KCNQ5: variants seen among roughly 807,000 people sequenced by gnomAD.
KCNQ5 encodes the protein potassium voltage-gated channel subfamily KQT member 5.
In KCNQ5, 30 loss-of-function variants were observed where a neutral mutation model predicts 98.2. That is an observed-to-expected ratio of 0.31 (90% CI 0.23 to 0.41). KCNQ5 has a LOEUF of 0.41. Ranked by LOEUF, KCNQ5 falls within the 10% of genes least tolerant of loss-of-function variation. The probability of loss-of-function intolerance (pLI) is 1.00; values close to 1 mark genes in which losing one functional copy is unlikely to be tolerated. For missense variants in KCNQ5, 835 were observed against 1,182.5 expected (o/e 0.71, Z 4.31); for synonymous variants, 458 against 449.4 (o/e 1.02, Z -0.24).
chr6:72,676,291 A>G (rs999749645), intron 1 of KCNQ5, among the ~76,000 whole-genome samples: 1 of 152,048 alleles, frequency 6.6e-6, no homozygotes, highest in Non-Finnish European at 1.5e-5. Context: ...AGAATGGAAA[A>G]TTTTGTCTTT....
chr6:73,035,135 G>A (rs1056836102), intron 2 of KCNQ5, among the ~76,000 whole-genome samples: 5 of 152,206 alleles, frequency 3.3e-5, no homozygotes, highest in Admixed American at 6.5e-5. Flanking sequence ...GTGAACCACC[G>A]CGCCCGGCCA....
At chr6:73,012,712 G>C (rs200712795) in intron 2 of KCNQ5, among the ~76,000 whole-genome samples, 10 of 151,768 alleles carry the variant, frequency 6.6e-5, no homozygotes, top group Non-Finnish European at 1.2e-4. Context: ...GCTAATACAC[G>C]CTGGGCTTAA....
At chr6:73,079,393 TTTTA>T (rs1402514743) in intron 5 of KCNQ5, among the ~76,000 whole-genome samples, 6 of 152,200 alleles carry the variant, frequency 3.9e-5, no homozygotes, top group Admixed American at 2.6e-4. Flanking sequence ...ATGATAGGCT[TTTTA>T]TTTGTTTGTT....
chr6:72,627,998 C>T, intron 1 of KCNQ5, among the ~76,000 whole-genome samples: 1 of 152,158 alleles, frequency 6.6e-6, no homozygotes, highest in Non-Finnish European at 1.5e-5. Context: ...GGTGCTTCCC[C>T]CATTGTACTG....
At chr6:72,726,959 C>G (rs1053289959) in intron 1 of KCNQ5, among the ~76,000 whole-genome samples, 25 of 152,262 alleles carry the variant, frequency 1.6e-4, no homozygotes, top group African/African-American at 6.0e-4. Flanking sequence ...TTGAGGCTTA[C>G]TTATTAAAGA....
chr6:73,161,778 G>A (rs1312863864), intron 10 of KCNQ5, among the ~76,000 whole-genome samples: 1 of 152,132 alleles, frequency 6.6e-6, no homozygotes, highest in Admixed American at 6.5e-5. Context: ...CACAGCAGAA[G>A]TTTCCAAAAT....
intron 11 of KCNQ5, among the ~76,000 whole-genome samples, chr6:73,184,074 C>G (rs1778490037): frequency 6.6e-6 from 1 of 152,114 alleles, no homozygotes. Context: ...CTCTCTTTTC[C>G]CTGGACAGTT....
chr6:72,803,103 G>A (rs754709294), intron 1 of KCNQ5, among the ~76,000 whole-genome samples: 2 of 152,070 alleles, frequency 1.3e-5, no homozygotes, highest in African/African-American at 2.4e-5. Context: ...AGGCAACCAT[G>A]GAGTTCAGTC....
rs1435407456 is a variant in KCNQ5 at position 73,111,398 on chromosome 6, A to G, written c.1120A>G (p.Ile374Val). ...AAGAAGGAACCCAGCTGCCAACCTC[A>G]TTCAGGTAAATGTCAATGTAATAGG... ...EKRRNPAANL[I>V]QCVWRSYAAD... The change falls in exon 7 of 14, where the codon ATT becomes GTT. Residue 374 changes from isoleucine to valine, a missense_variant. Ile to Val is a conservative substitution (Grantham distance 29). Coordinates refer to ENST00000370398, the MANE Select transcript of KCNQ5 (RefSeq NM_019842.4). 1 of 1,596,044 alleles carries G rather than the reference A, an allele frequency of 6.3e-7. No homozygotes were observed. The highest frequency in any genetic ancestry group is 8.6e-7 in the Non-Finnish European group (1 of 1,167,404).
chr6:73,146,165 T>C (rs1162180722), intron 10 of KCNQ5, among the ~76,000 whole-genome samples: 3 of 152,240 alleles, frequency 2.0e-5, no homozygotes, highest in Admixed American at 1.3e-4. Flanking sequence ...AGGGTCATTA[T>C]AAAACATGGC....
intron 1 of KCNQ5, among the ~76,000 whole-genome samples, chr6:72,670,508 C>T (rs1372728997): frequency 6.6e-6 from 1 of 152,090 alleles, no homozygotes; most frequent in Non-Finnish European, 1.5e-5. Context: ...CAGCTTTACC[C>T]CACTTCTTAA....
At chr6:72,673,602 A>G (rs1055947767) in intron 1 of KCNQ5, among the ~76,000 whole-genome samples, 1 of 151,732 alleles carries the variant, frequency 6.6e-6, no homozygotes, top group Non-Finnish European at 1.5e-5. Context: ...GCAGTGACCC[A>G]TGGGGAGGAG....
At chr6:73,162,296 G>A (rs1179488274) in intron 10 of KCNQ5, among the ~76,000 whole-genome samples, 1 of 152,094 alleles carries the variant, frequency 6.6e-6, no homozygotes, top group Non-Finnish European at 1.5e-5. Flanking sequence ...CTAATCAATA[G>A]GAAACAGGAA....
At chr6:73,158,562 G>A (rs1044647462) in intron 10 of KCNQ5, among the ~76,000 whole-genome samples, 1 of 152,012 alleles carries the variant, frequency 6.6e-6, no homozygotes, top group East Asian at 1.9e-4. Context: ...CACCGCACCC[G>A]TCCTGGAAGA....
chr6:73,135,212 TTA>T (rs1311127190), intron 10 of KCNQ5: 1 of 152,014 alleles, frequency 6.6e-6, no homozygotes, highest in Non-Finnish European at 1.5e-5. Flanking sequence ...ATCATTCCAT[TTA>T]TATATATTAT....
chr6:72,901,740 G>A (rs1400996882), intron 1 of KCNQ5, among the ~76,000 whole-genome samples: 1 of 152,100 alleles, frequency 6.6e-6, no homozygotes. Flanking sequence ...TGCTGTCTTG[G>A]TGACTATGGC....
At chr6:72,679,298 C>T (rs2154473715) in intron 1 of KCNQ5, among the ~76,000 whole-genome samples, 1 of 152,118 alleles carries the variant, frequency 6.6e-6, no homozygotes, top group South Asian at 2.1e-4. Context: ...ACACTATTCA[C>T]AATAGCAAAG....
intron 3 of KCNQ5, among the ~76,000 whole-genome samples, chr6:73,051,239 T>C (rs1027154062): frequency 6.6e-6 from 1 of 152,056 alleles, no homozygotes; most frequent in Non-Finnish European, 1.5e-5. Flanking sequence ...GCATGGAGGC[T>C]GGCAGCCCCA....
At chr6:72,976,360 T>C (rs1196670728) in intron 1 of KCNQ5, among the ~76,000 whole-genome samples, 1 of 152,232 alleles carries the variant, frequency 6.6e-6, no homozygotes, top group Non-Finnish European at 1.5e-5. Flanking sequence ...GCTCACTTTC[T>C]TGCATAAACA....
Sources: gnomAD v4.1 joint callset for allele counts (sites outside exome capture counted in the v4.1 genomes callset) on GRCh38, gnomAD v4.1.1 for gene constraint, MANE v1.5 for transcripts, NCBI Gene and HGNC (gene_info 2026-07-23, HGNC 2026-07-21) for gene names.